Variants in LNX1 observed in about 807,000 individuals in gnomAD.
LNX1 encodes the protein ligand of numb-protein X 1, also known as E3 ubiquitin-protein ligase LNX.
A neutral mutation model predicts 68.4 loss-of-function variants in LNX1; 54 were observed. The ratio of observed to expected loss-of-function variants is 0.79; its 90% confidence interval spans 0.63 to 0.99. The LOEUF is 0.99. Ranked by LOEUF, LNX1 falls within the 50% of genes least tolerant of loss-of-function variation. The pLI is 0.00. For missense variants in LNX1, 906 were observed against 926.4 expected, an observed-to-expected ratio of 0.98 and a Z score of 0.29; for synonymous variants, 336 against 350.0, an observed-to-expected ratio of 0.96 and a Z score of 0.45.
chr4:53,470,269 A>AT (rs1371574137), intron 9 of LNX1, among the ~76,000 whole-genome samples: 2 of 152,224 alleles, frequency 1.3e-5, no homozygotes, highest in Non-Finnish European at 2.9e-5. Flanking sequence ...GATGCAGAAA[A>AT]GCCTTTGACA....
chr4:53,627,582 T>C (rs1225076569), intron 1 of LNX1, among the ~76,000 whole-genome samples: 1 of 152,198 alleles, frequency 6.6e-6, no homozygotes, highest in Non-Finnish European at 1.5e-5. Flanking sequence ...GTGAATCCTG[T>C]CAAATGAAAG....
At chr4:53,519,389 A>T (rs371747609) in intron 2 of LNX1, among the ~76,000 whole-genome samples, 3 of 151,092 alleles carry the variant, frequency 2.0e-5, no homozygotes, top group African/African-American at 7.3e-5. Context: ...TAATAACAGC[A>T]GTCATAACAG....
At chr4:53,545,607 T>C (rs1419854163) in intron 2 of LNX1, among the ~76,000 whole-genome samples, 1 of 152,198 alleles carries the variant, frequency 6.6e-6, no homozygotes, top group Non-Finnish European at 1.5e-5. Flanking sequence ...TCATCTCTGA[T>C]GTTTATAGTG....
At chr4:53,472,297 T>C (rs929886096) in intron 9 of LNX1, among the ~76,000 whole-genome samples, 2 of 150,162 alleles carry the variant, frequency 1.3e-5, no homozygotes, top group Non-Finnish European at 3.0e-5. Context: ...TGAGAAAACA[T>C]GGACACAGCA....
At chr4:53,605,559 T>A (rs1217901363) in intron 2 of LNX1, among the ~76,000 whole-genome samples, 1 of 152,178 alleles carries the variant, frequency 6.6e-6, no homozygotes, top group African/African-American at 2.4e-5. Context: ...TAACTACAAC[T>A]TTGTATCCTT....
At chr4:53,542,469 G>A (rs1237628286) in intron 2 of LNX1, among the ~76,000 whole-genome samples, 1 of 152,186 alleles carries the variant, frequency 6.6e-6, no homozygotes, top group Non-Finnish European at 1.5e-5. Flanking sequence ...CCATGGGAAG[G>A]TGTTTCAAAG....
intron 1 of LNX1, chr4:53,575,944 C>T: frequency 6.4e-7 from 1 of 1,566,426 alleles, no homozygotes; most frequent in Non-Finnish European, 8.6e-7. Context: ...CACCAACCTG[C>T]CGCAGGAGTG....
intron 2 of LNX1, chr4:53,558,306 C>T: frequency 1.8e-6 from 2 of 1,092,048 alleles, no homozygotes; most frequent in Non-Finnish European, 1.1e-6. Context: ...ACATTTACAT[C>T]ACCGGCTGGG....
At chr4:53,551,280 C>G (rs1729488371) in intron 2 of LNX1, among the ~76,000 whole-genome samples, 1 of 152,106 alleles carries the variant, frequency 6.6e-6, no homozygotes, top group Non-Finnish European at 1.5e-5. Flanking sequence ...CCACCCTCCC[C>G]ACAATGAGGA....
intron 2 of LNX1, among the ~76,000 whole-genome samples, chr4:53,565,790 G>C (rs1359353754): frequency 6.7e-6 from 1 of 150,282 alleles, no homozygotes; most frequent in African/African-American, 2.4e-5. Flanking sequence ...AACCAATACA[G>C]AGAAGTGCTT....
At chr4:53,526,621 T>TA (rs551813076) in intron 2 of LNX1, among the ~76,000 whole-genome samples, 9 of 151,772 alleles carry the variant, frequency 5.9e-5, no homozygotes, top group Non-Finnish European at 1.2e-4. Flanking sequence ...CCTTTCCATG[T>TA]AATCTAGTAT....
intron 2 of LNX1, among the ~76,000 whole-genome samples, chr4:53,520,751 C>A (rs1727152655): frequency 6.6e-6 from 1 of 152,152 alleles, no homozygotes; most frequent in African/African-American, 2.4e-5. Context: ...CACTTGAAGT[C>A]AGGAGTGGGA....
rs544825981 is a variant in LNX1, at chr4:53,494,849, C to T, written c.1350+1174G>A. On this transcript the variant is annotated intron_variant, in intron 6 of 10. Transcript: ENST00000263925. ...ATAAAGCTCACAGCTTATGAAACGT[C>T]GCTGAGACACAAAACTATCAGAACA... 6.6e-5 allele frequency among the ~76,000 whole-genome samples: 10 copies of T among 152,288 alleles called. No individual in the cohort carries two copies. In the South Asian group the frequency reaches 2.1e-3, roughly 32 times the overall value.
intron 1 of LNX1, among the ~76,000 whole-genome samples, chr4:53,629,031 C>T (rs1022390513): frequency 6.6e-6 from 1 of 152,130 alleles, no homozygotes; most frequent in Non-Finnish European, 1.5e-5. Context: ...GTACAATATA[C>T]ACTACCTGGG....
intron 2 of LNX1, among the ~76,000 whole-genome samples, chr4:53,552,211 GCTGTCTTGTTGATAA>G (rs1156399918): frequency 6.6e-6 from 1 of 152,146 alleles, no homozygotes; most frequent in African/African-American, 2.4e-5. Flanking sequence ...ACCCCGCCTA[GCTGTCTTGTTGATAA>G]CTGTCTTCCT....
At chr4:53,604,498 G>C (rs1285039990) in intron 2 of LNX1, among the ~76,000 whole-genome samples, 2 of 152,212 alleles carry the variant, frequency 1.3e-5, no homozygotes, top group Non-Finnish European at 2.9e-5. Flanking sequence ...GAAGAAGCAA[G>C]AGGAAGTAGC....
At chr4:53,533,948 C>G (rs1434218503) in intron 2 of LNX1, among the ~76,000 whole-genome samples, 3 of 152,232 alleles carry the variant, frequency 2.0e-5, no homozygotes, top group African/African-American at 7.2e-5. Context: ...TGCCCATGCA[C>G]TGGCAGCCAA....
chr4:53,489,054 G>A (rs1724512338), intron 6 of LNX1, among the ~76,000 whole-genome samples: 1 of 152,152 alleles, frequency 6.6e-6, no homozygotes, highest in African/African-American at 2.4e-5. Context: ...AGTTTGGTCA[G>A]AGCAAATCTG....
chr4:53,467,068 A>C (rs773280070), intron 9 of LNX1, among the ~76,000 whole-genome samples: 32 of 152,170 alleles, frequency 2.1e-4, no homozygotes, highest in Non-Finnish European at 4.3e-4. Flanking sequence ...CTGACCCCCG[A>C]GTAGCCTAAC....
Sources: gnomAD v4.1 joint callset for allele counts (sites outside exome capture counted in the v4.1 genomes callset) on GRCh38, gnomAD v4.1.1 for gene constraint, MANE v1.5 for transcripts, NCBI Gene and HGNC (gene_info 2026-07-23, HGNC 2026-07-21) for gene names.